SMARCA2: variants seen among roughly 807,000 people sequenced by gnomAD.
SMARCA2 encodes SWI/SNF-related matrix-associated actin-dependent regulator of chromatin subfamily A member 2.
Under a neutral mutation model 199.8 loss-of-function variants are expected in SMARCA2, and 61 were observed. That is an observed-to-expected ratio of 0.31 (90% CI 0.25 to 0.38). SMARCA2 has a LOEUF of 0.38. Among genes scored for constraint, SMARCA2 ranks in the 10% least tolerant of loss-of-function variants. SMARCA2 has a pLI of 1.00. For missense variants in SMARCA2, 1,344 were observed against 2,012.2 expected (o/e 0.67, Z 6.35); for synonymous variants, 935 against 732.0 (o/e 1.28, Z -4.48).
intron 27 of SMARCA2, among the ~76,000 whole-genome samples, chr9:2,157,050 G>C (rs1001360735): frequency 2.6e-5 from 4 of 152,298 alleles, no homozygotes; most frequent in African/African-American, 9.6e-5. Context: ...AAAGCCCTGA[G>C]TCTGAAATTC....
chr9:2,156,015 C>A (rs1242996684), intron 27 of SMARCA2, among the ~76,000 whole-genome samples: 1 of 152,080 alleles, frequency 6.6e-6, no homozygotes, highest in Non-Finnish European at 1.5e-5. Flanking sequence ...AAGTCCTTAC[C>A]CTTCAGACCA....
intron 12 of SMARCA2, among the ~76,000 whole-genome samples, chr9:2,075,547 T>C (rs1821285752): frequency 1.3e-5 from 2 of 152,210 alleles, no homozygotes; most frequent in African/African-American, 2.4e-5. Flanking sequence ...GTGATGTGAA[T>C]CAGCCACAGA....
rs886582730 is a variant in SMARCA2, at chr9:2,150,596, G to A, written c.3982-11090G>A. 2.0e-4 allele frequency among the ~76,000 whole-genome samples: 30 copies of A among 151,612 alleles called. 2 individuals are homozygous for A. Among genetic ancestry groups the A allele is most frequent in the Admixed American group, 1.4e-3 (22 of 15,232 alleles). ...TGTGTTATATGTGCCTACGAGCAGC[G>A]TTGCTTTGCACCATTCCATATGTAC... On this transcript the variant is annotated intron_variant, in intron 27 of 33. Coordinates refer to ENST00000349721, the MANE Select transcript of SMARCA2 (RefSeq NM_003070.5).
Position 2,181,619 on chromosome 9 carries a change from A to G in SMARCA2, c.4302A>G (p.Lys1434=), listed in dbSNP as rs1259829482. Residue 1434 remains lysine, a synonymous_variant, in exon 30 of 34, where the codon AAA becomes AAG. Transcript: ENST00000349721. ...TCTTCATTCAGTTACCTTCAAGGAA[A>G]GAATTACCAGAATACTATGAATTAA... The part of the protein sequence containing the change: ...SEVFIQLPSR[K]ELPEYYELIR... 3.1e-6 allele frequency: 5 copies of G among 1,601,644 alleles called. No individual in the cohort carries two copies. The East Asian group carries it at 6.7e-5, about 21-fold the overall frequency.
In SMARCA2 at chr9:2,111,041, G is replaced by GTTTT. The variant is rs371262213; in HGVS notation, c.3456+625_3456+628dup. On this transcript the variant is annotated intron_variant, in intron 24 of 33. Transcript: ENST00000349721. ...TATCCTTTTAAAGCAGTACTTTGAT[G>GTTTT]TTTTGTTTTTTTTTTTTTAAATTGA... Among the ~76,000 whole-genome samples the GTTTT allele has an allele frequency of 4.4e-3, 651 of 147,872 alleles. 4 individuals are homozygous for GTTTT. The highest frequency in any genetic ancestry group is 7.1e-3 in the African/African-American group (286 of 40,020).
At chr9:2,092,745 A>G (rs1306238059) in intron 19 of SMARCA2, among the ~76,000 whole-genome samples, 2 of 152,204 alleles carry the variant, frequency 1.3e-5, no homozygotes, top group African/African-American at 4.8e-5. Context: ...AGTTTTACAT[A>G]TGATTTAAAC....
intron 27 of SMARCA2, chr9:2,159,059 A>G: frequency 3.9e-6 from 6 of 1,542,244 alleles, no homozygotes; most frequent in Middle Eastern, 1.7e-4. Context: ...TGTAATAAAA[A>G]TTGTTTCAGT....
Position 2,192,547 on chromosome 9 carries a change from C to A in SMARCA2, c.4738-157C>A. 8.7e-6 allele frequency: 6 copies of A among 686,698 alleles called. No homozygotes were observed. In the South Asian group the frequency reaches 9.6e-5, roughly 11 times the overall value. The allele number at this position is 686,698 out of a possible 1,614,324, so 42.5% of individuals were successfully genotyped here. ...CTTCTCAGCTTAGAGACTGTCGATG[C>A]CTCTTTAATGTGTTTCTGTCCTCCC... On this transcript the variant is annotated intron_variant, in intron 33 of 33. Transcript: ENST00000349721.
intron 9 of SMARCA2, among the ~76,000 whole-genome samples, chr9:2,063,774 C>T (rs2130376818): frequency 6.6e-6 from 1 of 151,246 alleles, no homozygotes; most frequent in Non-Finnish European, 1.5e-5. Context: ...AGGACAGAGG[C>T]CTCTGTCTTT....
At chr9:2,116,135 C>T in intron 25 of SMARCA2, 86 bp downstream of exon 25, 1 of 980,640 alleles carries the variant, frequency 1.0e-6, no homozygotes, top group Non-Finnish European at 1.6e-6. Context: ...GTTTAAAAAA[C>T]TTCCTGGGCT....
At chr9:2,067,963 T>C (rs1483964652) in intron 9 of SMARCA2, among the ~76,000 whole-genome samples, 1 of 152,342 alleles carries the variant, frequency 6.6e-6, no homozygotes, top group East Asian at 1.9e-4. Flanking sequence ...TTCATTGAAG[T>C]GGTGATCCAA....
chr9:2,118,571 T>C (rs1334561318), intron 25 of SMARCA2, among the ~76,000 whole-genome samples: 1 of 152,224 alleles, frequency 6.6e-6, no homozygotes, highest in East Asian at 1.9e-4. Flanking sequence ...AAATTCCCCG[T>C]TTGATTTCTA....
At position 2,161,897 on chromosome 9, in the gene SMARCA2, A is replaced by G; in HGVS notation, c.4193A>G (p.Lys1398Arg). ...NAIIDTVINY[K>R]DRCNVEKVPS... is the part of the protein sequence containing the mutation. ...ATCATCGATACTGTGATAAACTACA[A>G]AGATAGGTGAGTGTTTGGTTCCTTC... The change falls in exon 28 of 34, where the codon AAA becomes AGA. Residue 1398 changes from lysine (K) to arginine (R), a missense_variant. Lys to Arg is a conservative substitution (Grantham distance 26, BLOSUM62 2). Transcript: ENST00000349721. This position sits in a 1 kb window ranked among gnomAD's most constrained non-coding sequence, Gnocchi z 4.7. The G allele has an allele frequency of 6.2e-7, 1 of 1,612,986 alleles. No homozygotes were observed. The highest frequency in any genetic ancestry group is 8.5e-7 in the Non-Finnish European group (1 of 1,179,112).
rs751066743 is a variant in SMARCA2 at position 2,039,939 on chromosome 9, C to T, written c.790+39C>T. The T allele has an allele frequency of 1.2e-6, 2 of 1,604,002 alleles. No homozygotes were observed. Among genetic ancestry groups the T allele is most frequent in the South Asian group, 2.2e-5 (2 of 90,606 alleles). On this transcript the variant is annotated intron_variant, in intron 4 of 33. Transcript: ENST00000349721. The surrounding 1 kb of genome is among the most constrained non-coding windows in gnomAD (Gnocchi z 4.8). The stretch of plus-strand genomic sequence containing the variant: ...CAACCAAATGAATAATGCCATGGTC[C>T]AACTCGGATAACAAAGACTGCTCAC...
chr9:2,061,457 C>T (rs1008581421), intron 9 of SMARCA2, among the ~76,000 whole-genome samples: 4 of 152,154 alleles, frequency 2.6e-5, no homozygotes, highest in African/African-American at 9.7e-5. Context: ...GTTCTGCTGT[C>T]CCTGTGTCGC....
At chr9:2,153,018 G>A (rs1163998940) in intron 27 of SMARCA2, among the ~76,000 whole-genome samples, 1 of 152,022 alleles carries the variant, frequency 6.6e-6, no homozygotes, top group Admixed American at 6.6e-5. Flanking sequence ...TCAAGAAAAC[G>A]ATGAAGATGA....
intron 27 of SMARCA2, chr9:2,159,360 G>T: frequency 4.3e-6 from 1 of 231,908 alleles, no homozygotes; most frequent in East Asian, 9.4e-5. Flanking sequence ...CTTAGAACAT[G>T]TACATTGCTT....
In SMARCA2 at chr9:2,169,151, C is replaced by G. The variant is rs1178395916; in HGVS notation, c.4200-1268C>G. Among the ~76,000 whole-genome samples, 1 of 152,162 alleles carries G rather than the reference C, an allele frequency of 6.6e-6. No individual in the cohort carries two copies. The highest frequency in any genetic ancestry group is 1.5e-5 in the Non-Finnish European group (1 of 68,032). ...CTCAACCTGCTCCTAATTGTCCCTA[C>G]AAGACACCCGTTCACCTGCCTCCTC... On this transcript the variant is annotated intron_variant, in intron 28 of 33. Coordinates refer to ENST00000349721, the MANE Select transcript of SMARCA2 (RefSeq NM_003070.5). The surrounding 1 kb of genome is among the most constrained non-coding windows in gnomAD (Gnocchi z 6.5).
intron 31 of SMARCA2, among the ~76,000 whole-genome samples, chr9:2,184,205 A>G (rs886858473): frequency 6.6e-6 from 1 of 152,200 alleles, no homozygotes; most frequent in South Asian, 2.1e-4. Flanking sequence ...TCGGACTGAT[A>G]CTATGATCAC....
Sources: allele counts gnomAD v4.1 joint callset (sites outside exome capture counted in the v4.1 genomes callset), GRCh38; gene constraint gnomAD v4.1.1; non-coding constraint Gnocchi (gnomAD v3.1); transcripts MANE v1.5; gene names NCBI Gene and HGNC (gene_info 2026-07-23, HGNC 2026-07-21).